TCF20: variants seen among roughly 807,000 people sequenced by gnomAD.
TCF20 encodes the protein transcription factor 20.
Under a neutral mutation model 148.6 loss-of-function variants are expected in TCF20, and 3 were observed. The observed-to-expected ratio is 0.02, with a 90% confidence interval of 0.01 to 0.05. The LOEUF (loss-of-function observed/expected upper bound fraction) is 0.05. Ranked by LOEUF, TCF20 falls within the 10% of genes least tolerant of loss-of-function variation. The pLI is 1.00. For synonymous variants in TCF20, 1,049 were observed against 909.5 expected, an observed-to-expected ratio of 1.15 and a Z score of -2.76; for missense variants, 2,350 against 2,429.3, an observed-to-expected ratio of 0.97 and a Z score of 0.69.
chr22:42,266,393 T>C (rs1300037428), intron 1 of TCF20, among the ~76,000 whole-genome samples: 3 of 152,238 alleles, frequency 2.0e-5, no homozygotes, highest in Admixed American at 6.5e-5. Flanking sequence ...ATATGAAAGG[T>C]AGGTTGGACT....
At chr22:42,269,261 C>T (rs1054503438) in intron 1 of TCF20, among the ~76,000 whole-genome samples, 5 of 152,106 alleles carry the variant, frequency 3.3e-5, no homozygotes, top group Admixed American at 6.5e-5. Context: ...AAATTCCATC[C>T]ATTTTACAGC....
chr22:42,275,782 CAG>C (rs1926764697), intron 1 of TCF20, among the ~76,000 whole-genome samples: 1 of 152,206 alleles, frequency 6.6e-6, no homozygotes, highest in African/African-American at 2.4e-5. Context: ...AAAGCCCCCA[CAG>C]AGTCACTCAG....
At chr22:42,199,843 C>T (rs945766365) in intron 2 of TCF20, among the ~76,000 whole-genome samples, 1 of 145,242 alleles carries the variant, frequency 6.9e-6, no homozygotes, top group African/African-American at 2.6e-5. Context: ...GTGACTCTGT[C>T]CAAAAAAAAA....
rs1268899309 is a variant in TCF20 at position 42,210,260 on chromosome 22, G to A, written c.5046C>T (p.Leu1682=). The A allele has an allele frequency of 6.2e-7, 1 of 1,614,212 alleles. No homozygotes were observed. Among genetic ancestry groups the A allele is most frequent in the Non-Finnish European group, 8.5e-7 (1 of 1,180,052 alleles). ...CCTGCAGCATAAAGGACGAGGCCGG[G>A]AGCGCCTTGCTTTCAGTGCTGCTAG... ...PPPSSTESKA[L]PASSFMLQGP... The change falls in exon 2 of 6, where the codon CTC becomes CTT. Residue 1682 remains leucine (L), a synonymous_variant. Transcript: ENST00000677622. This position sits in a 1 kb window ranked among gnomAD's most constrained non-coding sequence, Gnocchi z 4.7.
chr22:42,172,053 T>C (rs1383350287), intron 3 of TCF20, among the ~76,000 whole-genome samples: 1 of 152,208 alleles, frequency 6.6e-6, no homozygotes, highest in African/African-American at 2.4e-5. Flanking sequence ...TAACGACAAC[T>C]TGAAACTAAT....
At chr22:42,169,097 T>C (rs1935965964) in intron 4 of TCF20, among the ~76,000 whole-genome samples, 1 of 151,308 alleles carries the variant, frequency 6.6e-6, no homozygotes, top group African/African-American at 2.4e-5. Context: ...TCGGCCCTAC[T>C]AGATTTAAGA....
intron 1 of TCF20, among the ~76,000 whole-genome samples, chr22:42,266,038 AT>A (rs1258146650): frequency 6.6e-6 from 1 of 151,736 alleles, no homozygotes; most frequent in Non-Finnish European, 1.5e-5. Flanking sequence ...CCTTTCCAGT[AT>A]TTCACCTAAA....
chr22:42,187,233 TGG>T (rs1158502670), intron 2 of TCF20, among the ~76,000 whole-genome samples: 1 of 152,248 alleles, frequency 6.6e-6, no homozygotes, highest in Non-Finnish European at 1.5e-5. Context: ...CTCTGCCTCC[TGG>T]GACCCAGTCA....
chr22:42,298,695 A>G lies in TCF20; in HGVS notation c.-37+44784T>C, dbSNP rs141539330. On this transcript the variant is annotated intron_variant, in intron 1 of 1. Transcript: ENST00000515426. ...GCACATAGTAGGCCTACCAGCTGGC[A>G]TGGTCGCAAGTTTGCCCTAATTTCA... 6.6e-5 allele frequency among the ~76,000 whole-genome samples: 10 copies of G among 152,338 alleles called. No individual in the cohort carries two copies. The East Asian group carries it at 1.9e-3, about 29-fold the overall frequency.
At chr22:42,216,178 CACCTGGCTTCAAAT>C (rs1256308820) in intron 1 of TCF20, among the ~76,000 whole-genome samples, 1 of 133,236 alleles carries the variant, frequency 7.5e-6, no homozygotes. Context: ...CAGCATCAAA[CACCTGGCTTCAAAT>C]GATCCTCCTG....
intron 1 of TCF20, among the ~76,000 whole-genome samples, chr22:42,231,582 T>G (rs1923403608): frequency 6.6e-6 from 1 of 152,170 alleles, no homozygotes; most frequent in African/African-American, 2.4e-5. Flanking sequence ...AAGCTAAGTG[T>G]TATTACAAGA....
rs992481048 is a variant in TCF20 at position 42,299,978 on chromosome 22, A to C, written c.-37+43501T>G. Among the ~76,000 whole-genome samples, 2 of 60,348 alleles carry C rather than the reference A, an allele frequency of 3.3e-5. No homozygotes were observed. Among genetic ancestry groups the C allele is most frequent in the African/African-American group, 6.6e-5 (1 of 15,188 alleles). 39.6% of individuals were successfully genotyped at this position (60,348 alleles called of 152,430 possible). On this transcript the variant is annotated intron_variant, in intron 1 of 1. Coordinates refer to the TCF20 transcript ENST00000515426. The surrounding 1 kb of genome is among the most constrained non-coding windows in gnomAD (Gnocchi z 4.1). ...AGGAAGGGCGGGGAGGGGGAGGGGGAGGGGCGCGCTGAAATCACCCGCAAC... is the reference window on the plus strand; with the variant it reads ...AGGAAGGGCGGGGAGGGGGAGGGGGCGGGGCGCGCTGAAATCACCCGCAAC...
chr22:42,275,778 C>T (rs1926764533), intron 1 of TCF20, among the ~76,000 whole-genome samples: 1 of 152,148 alleles, frequency 6.6e-6, no homozygotes, highest in African/African-American at 2.4e-5. Context: ...CTCCAAAGCC[C>T]CCACAGAGTC....
intron 2 of TCF20, among the ~76,000 whole-genome samples, chr22:42,195,744 C>A (rs1349025238): frequency 2.0e-5 from 3 of 152,324 alleles, no homozygotes; most frequent in Admixed American, 1.3e-4. Flanking sequence ...AGGTGGTCCG[C>A]CTGCCTCGGC....
chr22:42,174,704 C>T (rs1477706067), intron 3 of TCF20, among the ~76,000 whole-genome samples: 4 of 152,036 alleles, frequency 2.6e-5, no homozygotes, highest in Non-Finnish European at 5.9e-5. Flanking sequence ...CACAGTGAGA[C>T]CCTGTCTCAA....
At chr22:42,235,081 G>T (rs1422839967) in intron 1 of TCF20, among the ~76,000 whole-genome samples, 1 of 150,522 alleles carries the variant, frequency 6.6e-6, no homozygotes, top group Non-Finnish European at 1.5e-5. Flanking sequence ...GACAGAAGTT[G>T]CAGTGAGCCG....
intron 2 of TCF20, among the ~76,000 whole-genome samples, chr22:42,187,815 A>T (rs1378309767): frequency 6.6e-6 from 1 of 152,248 alleles, no homozygotes; most frequent in African/African-American, 2.4e-5. Flanking sequence ...AATTAGCCAC[A>T]ATCTTGAGCA....
In TCF20 at chr22:42,227,466, T is replaced by A. The variant is rs562155520; in HGVS notation, c.-36-12125A>T. Among the ~76,000 whole-genome samples, 46 of 152,308 alleles carry A rather than the reference T, an allele frequency of 3.0e-4. 1 individual carries two copies. The highest frequency in any genetic ancestry group is 2.7e-3 in the Admixed American group (42 of 15,296). On this transcript the variant is annotated intron_variant, in intron 1 of 5. Transcript: ENST00000677622. ...GCTCCATTGTTGCTCAATACTCTAGTGCGTTATTTCCAAAAACAAGGACAT... is the reference window on the plus strand; with the variant it reads ...GCTCCATTGTTGCTCAATACTCTAGAGCGTTATTTCCAAAAACAAGGACAT...
chr22:42,204,398 G>GACAGGAGAATCACTTGAAT (rs1417160899), intron 2 of TCF20, among the ~76,000 whole-genome samples: 2 of 152,190 alleles, frequency 1.3e-5, no homozygotes, highest in Non-Finnish European at 2.9e-5. Context: ...GGGAGGCTGA[G>GACAGGAGAATCACTTGAAT]ACAGGAGAAT....
Sources: allele counts gnomAD v4.1 joint callset (sites outside exome capture counted in the v4.1 genomes callset), GRCh38; gene constraint gnomAD v4.1.1; non-coding constraint Gnocchi (gnomAD v3.1); transcripts MANE v1.5; gene names NCBI Gene and HGNC (gene_info 2026-07-23, HGNC 2026-07-21).